DAW1: variants seen among roughly 807,000 people sequenced by gnomAD.
DAW1 encodes dynein assembly factor with WD repeat domains 1.
A neutral mutation model predicts 56.5 loss-of-function variants in DAW1; 47 were observed. The ratio of observed to expected loss-of-function variants is 0.83; its 90% CI spans 0.66 to 1.06. The LOEUF is 1.06. DAW1 is among the 50% of genes least tolerant of loss of function. DAW1 has a pLI of 0.00. For synonymous variants in DAW1, 190 were observed against 179.0 expected, an observed-to-expected ratio of 1.06 and a Z score of -0.49; for missense variants, 505 against 499.3, an observed-to-expected ratio of 1.01 and a Z score of -0.11.
intron 10 of DAW1, among the ~76,000 whole-genome samples, chr2:227,913,917 G>A (rs10469787): frequency 0.49 from 58,227 of 117,840 alleles, 12,146 homozygotes; most frequent in South Asian, 0.59. Context: ...CTGTCTGTCT[G>A]TCTATCTATC....
In DAW1 at chr2:227,889,939, T is replaced by A. The variant is rs747333172; in HGVS notation, c.197T>A (p.Leu66Ter). The change falls in exon 3 of 13, where the codon TTG becomes TAG. Residue 66 changes from leucine (L) to a stop codon, truncating the protein, a stop_gained. Coordinates refer to ENST00000309931, the MANE Select transcript of DAW1 (RefSeq NM_178821.3). LOFTEE classifies it high-confidence loss of function. ...TCACGAACAGAGCAAGTCAAACTTTTGATACAGAGGTTGCAAGAGAAACTC... is the reference window on the plus strand; with the variant it reads ...TCACGAACAGAGCAAGTCAAACTTTAGATACAGAGGTTGCAAGAGAAACTC... ...TASRTEQVKL[L>*]IQRLQEKLGQ... The A allele has an allele frequency of 4.4e-6, 7 of 1,607,252 alleles. No individual in the cohort carries two copies. The highest frequency in any genetic ancestry group is 1.6e-4 in the Middle Eastern group (1 of 6,072).
At chr2:227,893,509 C>G (rs1691325019) in intron 4 of DAW1, among the ~76,000 whole-genome samples, 1 of 151,330 alleles carries the variant, frequency 6.6e-6, no homozygotes, top group South Asian at 2.1e-4. Context: ...CTGCTAAAAA[C>G]ACACACAAAA....
intron 5 of DAW1, among the ~76,000 whole-genome samples, chr2:227,897,719 G>A (rs1691444838): frequency 6.6e-6 from 1 of 152,116 alleles, no homozygotes; most frequent in African/African-American, 2.4e-5. Context: ...TTCCTTAAGA[G>A]GACAAGCACC....
intron 2 of DAW1, 46 bp downstream of exon 2, chr2:227,885,469 C>G: frequency 6.9e-7 from 1 of 1,453,432 alleles, no homozygotes. Context: ...ACTGGGAAGC[C>G]TTGACACAGA....
At chr2:227,874,864 G>A (rs1177085156) in intron 1 of DAW1, among the ~76,000 whole-genome samples, 1 of 152,188 alleles carries the variant, frequency 6.6e-6, no homozygotes, top group Non-Finnish European at 1.5e-5. Flanking sequence ...TCAGGAGGCT[G>A]AGGCAGGAGA....
At chr2:227,872,577 G>A (rs1193988961) in intron 1 of DAW1, among the ~76,000 whole-genome samples, 3 of 152,006 alleles carry the variant, frequency 2.0e-5, no homozygotes, top group East Asian at 3.9e-4. Flanking sequence ...CAATCCTGCT[G>A]CTTCCTCAAA....
Position 227,877,277 on chromosome 2 carries a change from C to T in DAW1, c.40+5548C>T, listed in dbSNP as rs554308076. Among the ~76,000 whole-genome samples the T allele has an allele frequency of 8.1e-4, 124 of 152,274 alleles. 4 individuals carry two copies. The South Asian group carries it at 0.025, about 31-fold the overall frequency. ...TACTGCAACCTCTGCCTCTGTCTCC[C>T]GAGTAGCTGAGATTACAGGCATGTG... On this transcript the variant is annotated intron_variant, in intron 1 of 12. Transcript: ENST00000309931.
chr2:227,892,903 A>G (rs895173951), intron 4 of DAW1, among the ~76,000 whole-genome samples: 2 of 152,216 alleles, frequency 1.3e-5, no homozygotes, highest in African/African-American at 2.4e-5. Flanking sequence ...AGATGCTGCT[A>G]TTTTACATTA....
At chr2:227,918,700 T>A in intron 10 of DAW1, 80 bp from the exon 11 acceptor site, 1 of 1,479,788 alleles carries the variant, frequency 6.8e-7, no homozygotes, top group Non-Finnish European at 9.4e-7. Flanking sequence ...GGGGGATATA[T>A]ATTTATACAA....
At chr2:227,896,628 G>A (rs1275368162) in intron 5 of DAW1, among the ~76,000 whole-genome samples, 5 of 145,696 alleles carry the variant, frequency 3.4e-5, no homozygotes, top group African/African-American at 7.6e-5. Context: ...GTGTGTGTGT[G>A]TGTATGAGAG....
intron 5 of DAW1, among the ~76,000 whole-genome samples, chr2:227,895,113 G>T (rs543974106): frequency 6.6e-6 from 1 of 152,286 alleles, no homozygotes; most frequent in South Asian, 2.1e-4. Context: ...GAAAAATTCT[G>T]TACTCAGATT....
At chr2:227,881,470 A>G (rs1339694820) in intron 1 of DAW1, among the ~76,000 whole-genome samples, 2 of 152,236 alleles carry the variant, frequency 1.3e-5, no homozygotes, top group Non-Finnish European at 2.9e-5. Context: ...AAGATGTTAC[A>G]ATCTCACTGG....
At chr2:227,881,642 G>T (rs1246844768) in intron 1 of DAW1, among the ~76,000 whole-genome samples, 1 of 151,356 alleles carries the variant, frequency 6.6e-6, no homozygotes, top group East Asian at 1.9e-4. Flanking sequence ...CAAACTTATA[G>T]GTTCATAGAT....
intron 5 of DAW1, among the ~76,000 whole-genome samples, chr2:227,896,963 G>A (rs1219621124): frequency 6.6e-6 from 1 of 151,946 alleles, no homozygotes; most frequent in Non-Finnish European, 1.5e-5. Context: ...ACATGTGCCT[G>A]TAGTCCCAGC....
chr2:227,894,553 C>T (rs16824163), intron 5 of DAW1, among the ~76,000 whole-genome samples: 10,398 of 152,272 alleles, frequency 0.068, 370 homozygotes, highest in Middle Eastern at 0.099. Context: ...TTGATGTTCA[C>T]AGCTCTGGGC....
chr2:227,874,786 C>T (rs1021373243), intron 1 of DAW1, among the ~76,000 whole-genome samples: 2 of 152,042 alleles, frequency 1.3e-5, no homozygotes, highest in African/African-American at 4.8e-5. Flanking sequence ...CATGGTGAAA[C>T]CCCGTCTCTA....
intron 2 of DAW1, among the ~76,000 whole-genome samples, chr2:227,887,478 C>T (rs557695777): frequency 1.3e-5 from 2 of 152,342 alleles, no homozygotes; most frequent in South Asian, 4.1e-4. Flanking sequence ...ATAATCCCTA[C>T]ACTTGATAGG....
At chr2:227,912,421 C>T (rs1175587905) in intron 10 of DAW1, 1 of 1,304,780 alleles carries the variant, frequency 7.7e-7, no homozygotes, top group Non-Finnish European at 1.0e-6. Context: ...TCTTTGATCA[C>T]TGGACGTGAT....
At chr2:227,900,383 A>G (rs1691511144) in intron 6 of DAW1, among the ~76,000 whole-genome samples, 1 of 152,224 alleles carries the variant, frequency 6.6e-6, no homozygotes, top group Non-Finnish European at 1.5e-5. Flanking sequence ...TATTTATTAA[A>G]TATTGACTAT....
Sources: allele counts gnomAD v4.1 joint callset (sites outside exome capture counted in the v4.1 genomes callset), GRCh38; gene constraint gnomAD v4.1.1; transcripts MANE v1.5; gene names NCBI Gene and HGNC (gene_info 2026-07-23, HGNC 2026-07-21).